VTI1A: variants seen among roughly 807,000 people sequenced by gnomAD.
The protein encoded by VTI1A is vesicle transport through interaction with t-SNAREs 1A.
VTI1A carries 22 observed loss-of-function variants against 34.9 expected under a neutral mutation model. That is an observed-to-expected ratio of 0.63 (90% CI 0.45 to 0.90). The LOEUF (loss-of-function observed/expected upper bound fraction) is 0.90. Ranked by LOEUF, VTI1A falls within the 40% of genes least tolerant of loss-of-function variation. The probability of loss-of-function intolerance (pLI) is 0.00; values close to 1 mark genes in which losing one functional copy is unlikely to be tolerated. For missense variants in VTI1A, 268 were observed against 275.6 expected (o/e 0.97, Z 0.20); for synonymous variants, 87 against 97.3 (o/e 0.89, Z 0.62).
chr10:112,478,977 G>T (rs932806424), intron 3 of VTI1A, among the ~76,000 whole-genome samples: 11 of 152,028 alleles, frequency 7.2e-5, no homozygotes, highest in Non-Finnish European at 1.2e-4. Context: ...GACCATCCTG[G>T]CCAACATGGT....
At chr10:112,835,382 G>A in the VTI1A span, among the ~76,000 whole-genome samples, 7 of 152,292 alleles carry the variant, frequency 4.6e-5, no homozygotes, top group Admixed American at 3.3e-4. Flanking sequence ...AGGATAGGTG[G>A]CCTATCTGGG....
intron 2 of VTI1A, 138 bp downstream of exon 2, chr10:112,460,720 T>A: frequency 1.6e-6 from 1 of 608,504 alleles, no homozygotes; most frequent in Non-Finnish European, 2.6e-6. Context: ...TGTCAATTTT[T>A]AAATTGAAGA....
intron 7 of VTI1A, among the ~76,000 whole-genome samples, chr10:112,725,154 A>G (rs573254221): frequency 5.9e-5 from 9 of 152,354 alleles, no homozygotes; most frequent in African/African-American, 2.2e-4. Context: ...CAAACACAGT[A>G]TATCTATTGC....
intron 7 of VTI1A, among the ~76,000 whole-genome samples, chr10:112,762,549 G>T (rs1851504055): frequency 6.6e-6 from 1 of 152,134 alleles, no homozygotes; most frequent in African/African-American, 2.4e-5. Flanking sequence ...GTATATTTGG[G>T]CAGGAGATTT....
intron 3 of VTI1A, among the ~76,000 whole-genome samples, chr10:112,512,899 G>T (rs1849660610): frequency 6.6e-6 from 1 of 152,010 alleles, no homozygotes. Context: ...TGGTCCATGT[G>T]TCCAGTTTTA....
At chr10:112,639,691 T>C (rs1170038173) in intron 5 of VTI1A, among the ~76,000 whole-genome samples, 1 of 152,218 alleles carries the variant, frequency 6.6e-6, no homozygotes, top group Non-Finnish European at 1.5e-5. Flanking sequence ...TACAAGAAAC[T>C]AACTTACATT....
At chr10:112,636,899 A>C (rs1564859941) in intron 5 of VTI1A, among the ~76,000 whole-genome samples, 1 of 152,194 alleles carries the variant, frequency 6.6e-6, no homozygotes, top group Non-Finnish European at 1.5e-5. Context: ...CAACAACAAA[A>C]AACAGTCATT....
intron 4 of VTI1A, among the ~76,000 whole-genome samples, chr10:112,528,146 G>T (rs1417691575): frequency 6.6e-6 from 1 of 152,060 alleles, no homozygotes; most frequent in East Asian, 1.9e-4. Context: ...ATCAGTCACT[G>T]AGTAAACCAA....
At chr10:112,788,912 T>C (rs1852376463) in intron 7 of VTI1A, among the ~76,000 whole-genome samples, 1 of 152,162 alleles carries the variant, frequency 6.6e-6, no homozygotes, top group Admixed American at 6.5e-5. Context: ...TTAATTCTAA[T>C]AAAATATAGC....
intron 7 of VTI1A, among the ~76,000 whole-genome samples, chr10:112,693,656 G>T (rs74360277): frequency 6.6e-6 from 1 of 152,206 alleles, no homozygotes; most frequent in Non-Finnish European, 1.5e-5. Context: ...TAACTTCCGA[G>T]TTGAAAATGG....
chr10:112,760,175 G>A lies in VTI1A; in HGVS notation c.561-55115G>A, dbSNP rs201281018. 7.9e-5 allele frequency among the ~76,000 whole-genome samples: 12 copies of A among 152,292 alleles called. No homozygotes were observed. In the East Asian group the frequency reaches 9.7e-4, roughly 12 times the overall value. ...GTTCTCCCTTATCCAAGGGGGATAC[G>A]TTCCAAGACCGCCAGTGGATGCCTG... On this transcript the variant is annotated intron_variant, in intron 7 of 7. Coordinates refer to ENST00000393077, the MANE Select transcript of VTI1A (RefSeq NM_145206.4).
chr10:112,767,580 T>C lies in VTI1A; in HGVS notation c.561-47710T>C, dbSNP rs895823142. ...AAACTAATAACAACAGCATGGCACA[T>C]ACTGGAACAAAGGGGAGGAGAAACT... is the stretch of plus-strand genomic sequence containing the variant. On this transcript the variant is annotated intron_variant, in intron 7 of 7. Transcript: ENST00000393077. The surrounding 1 kb of genome is among the most constrained non-coding windows in gnomAD (Gnocchi z 4.0). Among the ~76,000 whole-genome samples, 1 of 152,144 alleles carries C rather than the reference T, an allele frequency of 6.6e-6. No individual in the cohort carries two copies. The highest frequency in any genetic ancestry group is 2.4e-5 in the African/African-American group (1 of 41,448).
chr10:112,721,101 T>A (rs1358711248), intron 7 of VTI1A, among the ~76,000 whole-genome samples: 1 of 152,208 alleles, frequency 6.6e-6, no homozygotes, highest in East Asian at 1.9e-4. Context: ...GTGGGGAAAC[T>A]GAGGTTAGCT....
chr10:112,752,426 C>T, intron 7 of VTI1A: 1 of 985,448 alleles, frequency 1.0e-6, no homozygotes, highest in Non-Finnish European at 1.2e-6. Context: ...GAGTCAGCTT[C>T]ACCAGCCACA....
intron 7 of VTI1A, among the ~76,000 whole-genome samples, 153 bp from the exon 8 acceptor site, chr10:112,815,137 G>GCACACACACACA (rs553734279): frequency 8.4e-4 from 65 of 77,550 alleles, no homozygotes; most frequent in East Asian, 3.8e-3. Context: ...TCTTTCGCGC[G>GCACACACACACA]CGCACACACA....
chr10:112,755,245 G>C (rs1167095908), intron 7 of VTI1A, among the ~76,000 whole-genome samples: 2 of 149,420 alleles, frequency 1.3e-5, no homozygotes, highest in African/African-American at 2.4e-5. Flanking sequence ...GACAGAGCGA[G>C]ACTGTCTCAA....
chr10:112,780,675 A>G (rs1474689850), intron 7 of VTI1A, among the ~76,000 whole-genome samples: 1 of 152,158 alleles, frequency 6.6e-6, no homozygotes, highest in African/African-American at 2.4e-5. Context: ...TTTATAGATT[A>G]GGAAACTAAA....
At chr10:112,523,036 A>G (rs1479976507) in intron 3 of VTI1A, among the ~76,000 whole-genome samples, 8 of 152,066 alleles carry the variant, frequency 5.3e-5, no homozygotes, top group East Asian at 3.9e-4. Flanking sequence ...CGTATACTCT[A>G]TTTCACATGT....
intron 4 of VTI1A, chr10:112,533,572 T>G (rs1850519580): frequency 9.9e-7 from 1 of 1,007,104 alleles, no homozygotes. Flanking sequence ...CTAGCTTCTT[T>G]TTTTTTTTTA....
Sources: allele counts gnomAD v4.1 joint callset (sites outside exome capture counted in the v4.1 genomes callset), GRCh38; gene constraint gnomAD v4.1.1; non-coding constraint Gnocchi (gnomAD v3.1); transcripts MANE v1.5; gene names NCBI Gene and HGNC (gene_info 2026-07-23, HGNC 2026-07-21).